ADAM10: variants seen among roughly 807,000 people sequenced by gnomAD.
The protein encoded by ADAM10 is disintegrin and metalloproteinase domain-containing protein 10.
In ADAM10, 17 loss-of-function variants were observed where a neutral mutation model predicts 90.1. The ratio of observed to expected loss-of-function variants is 0.19; its 90% CI spans 0.13 to 0.28. The LOEUF (loss-of-function observed/expected upper bound fraction) is 0.28, where lower values mean the gene tolerates loss of function less well. ADAM10 is among the 10% of genes least tolerant of loss of function. ADAM10 has a pLI of 1.00. For synonymous variants in ADAM10, 310 were observed against 298.6 expected, an observed-to-expected ratio of 1.04 and a Z score of -0.40; for missense variants, 610 against 914.3, an observed-to-expected ratio of 0.67 and a Z score of 4.29.
chr15:58,724,141 C>T (rs1898953750), intron 1 of ADAM10, among the ~76,000 whole-genome samples: 1 of 151,200 alleles, frequency 6.6e-6, no homozygotes, highest in South Asian at 2.1e-4. Context: ...CGTGCCATTG[C>T]ACTCCAGCCT....
chr15:58,648,063 T>C (rs1265498356), intron 5 of ADAM10, among the ~76,000 whole-genome samples: 1 of 152,218 alleles, frequency 6.6e-6, no homozygotes, highest in Non-Finnish European at 1.5e-5. Context: ...TTGTATTATA[T>C]GCCAAACACA....
At chr15:58,659,032 T>C (rs1430201538) in intron 5 of ADAM10, among the ~76,000 whole-genome samples, 1 of 152,186 alleles carries the variant, frequency 6.6e-6, no homozygotes, top group African/African-American at 2.4e-5. Flanking sequence ...CTCGGCACTT[T>C]GGGAAGCCGA....
At chr15:58,717,542 G>C in intron 2 of ADAM10, 35 bp downstream of exon 2, 2 of 1,612,734 alleles carry the variant, frequency 1.2e-6, no homozygotes, top group South Asian at 1.1e-5. Context: ...GAATATAGAG[G>C]AACTTCAGAC....
intron 5 of ADAM10, among the ~76,000 whole-genome samples, chr15:58,660,171 G>A (rs1896933584): frequency 6.6e-6 from 1 of 151,876 alleles, no homozygotes; most frequent in Non-Finnish European, 1.5e-5. Context: ...AAAACAATTA[G>A]CTATTTTCTT....
At position 58,599,797 on chromosome 15, in the gene ADAM10, T is replaced by C. The variant is rs114121756; in HGVS notation, c.2026-73A>G. 2.4e-3 allele frequency: 3,581 copies of C among 1,470,982 alleles called. 73 individuals carry two copies. In the African/African-American group the frequency reaches 0.045, roughly 18 times the overall value. The allele number at this position is 1,470,982 out of a possible 1,614,324, so 91.1% of individuals were successfully genotyped here. Reference sequence around the variant, plus strand: ...ATTTTAGAGTATCTTTTACAGTATATAAAACATAGAATAGAACACAGTATA... The same window carrying C: ...ATTTTAGAGTATCTTTTACAGTATACAAAACATAGAATAGAACACAGTATA... On this transcript the variant is annotated intron_variant, in intron 14 of 15. Coordinates refer to ENST00000260408, the MANE Select transcript of ADAM10 (RefSeq NM_001110.4).
chr15:58,687,830 T>C (rs946535110), intron 2 of ADAM10, among the ~76,000 whole-genome samples: 1 of 152,208 alleles, frequency 6.6e-6, no homozygotes, highest in Non-Finnish European at 1.5e-5. Context: ...ATACGATTCA[T>C]GCGACAATCA....
intron 2 of ADAM10, among the ~76,000 whole-genome samples, chr15:58,702,687 T>G (rs77223332): frequency 6.6e-6 from 1 of 152,204 alleles, no homozygotes; most frequent in Non-Finnish European, 1.5e-5. Context: ...AAACCACATA[T>G]AAAATCAGTT....
intron 8 of ADAM10, among the ~76,000 whole-genome samples, chr15:58,639,655 T>C (rs1896361571): frequency 6.6e-6 from 1 of 152,170 alleles, no homozygotes; most frequent in South Asian, 2.1e-4. Flanking sequence ...CATAAACTTA[T>C]ACTTTAAAAT....
intron 1 of ADAM10, chr15:58,749,059 G>C (rs1424570164): frequency 2.5e-6 from 1 of 398,872 alleles, no homozygotes; most frequent in Non-Finnish European, 4.4e-6. Context: ...TGGTGAGCAG[G>C]ATGAGCGCTG....
chr15:58,718,057 G>A (rs549647450), intron 1 of ADAM10, among the ~76,000 whole-genome samples: 1 of 152,104 alleles, frequency 6.6e-6, no homozygotes, highest in African/African-American at 2.4e-5. Context: ...AGCATTTTAG[G>A]AGGCTGAGAT....
At chr15:58,693,141 T>C (rs1897878177) in intron 2 of ADAM10, 1 of 736,666 alleles carries the variant, frequency 1.4e-6, no homozygotes, top group East Asian at 2.6e-5. Context: ...GGGCAATTTC[T>C]GCCTAAAAGG....
chr15:58,717,859 G>A (rs556605115), intron 1 of ADAM10, 132 bp from the exon 2 acceptor site: 39 of 1,310,710 alleles, frequency 3.0e-5, no homozygotes, highest in Admixed American at 1.0e-4. Flanking sequence ...TATGAATTCT[G>A]CATTAATATT....
At chr15:58,741,934 A>T (rs1899629312) in intron 1 of ADAM10, among the ~76,000 whole-genome samples, 1 of 152,182 alleles carries the variant, frequency 6.6e-6, no homozygotes. Context: ...TATCGATTCC[A>T]GGCAAGTAAA....
intron 4 of ADAM10, among the ~76,000 whole-genome samples, chr15:58,676,999 G>A (rs562247984): frequency 1.3e-5 from 2 of 152,248 alleles, no homozygotes; most frequent in Admixed American, 1.3e-4. Flanking sequence ...GCGAACCACG[G>A]TCTAGAATAT....
At chr15:58,731,570 G>T (rs1320370157) in intron 1 of ADAM10, among the ~76,000 whole-genome samples, 1 of 152,128 alleles carries the variant, frequency 6.6e-6, no homozygotes, top group African/African-American at 2.4e-5. Flanking sequence ...CGAGGCTGGG[G>T]TTAGCCGTAT....
intron 5 of ADAM10, among the ~76,000 whole-genome samples, chr15:58,656,354 G>T (rs972359741): frequency 6.6e-6 from 1 of 151,630 alleles, no homozygotes; most frequent in Non-Finnish European, 1.5e-5. Flanking sequence ...CTGCCACTTT[G>T]TTTTTTTGTT....
chr15:58,671,597 G>C (rs1488110021), intron 4 of ADAM10, among the ~76,000 whole-genome samples: 1 of 152,224 alleles, frequency 6.6e-6, no homozygotes, highest in Non-Finnish European at 1.5e-5. Context: ...GCCTTGGCCA[G>C]GCATGGTGGC....
intron 5 of ADAM10, among the ~76,000 whole-genome samples, chr15:58,650,678 T>C (rs1308350422): frequency 6.6e-6 from 1 of 152,162 alleles, no homozygotes; most frequent in Admixed American, 6.5e-5. Flanking sequence ...TTTTCTGAAA[T>C]CTTGGCCGCG....
intron 1 of ADAM10, among the ~76,000 whole-genome samples, chr15:58,738,058 G>A (rs1166319976): frequency 6.6e-6 from 1 of 152,178 alleles, no homozygotes; most frequent in Non-Finnish European, 1.5e-5. Context: ...TACAATAAAT[G>A]AGAGGATATA....
Sources: gnomAD v4.1 joint callset for allele counts (sites outside exome capture counted in the v4.1 genomes callset) on GRCh38, gnomAD v4.1.1 for gene constraint, MANE v1.5 for transcripts, NCBI Gene and HGNC (gene_info 2026-07-23, HGNC 2026-07-21) for gene names.